The following PLEKHM3 variants were observed in gnomAD, a reference collection of about 807,000 sequenced individuals.
PLEKHM3 encodes the protein pleckstrin homology domain-containing family M member 3.
In PLEKHM3, 45 loss-of-function variants were observed where a neutral mutation model predicts 81.8. The observed-to-expected ratio is 0.55, with a 90% confidence interval of 0.43 to 0.71. The LOEUF (loss-of-function observed/expected upper bound fraction) is 0.71. Ranked by LOEUF, PLEKHM3 falls within the 30% of genes least tolerant of loss-of-function variation. The pLI, the probability that PLEKHM3 is intolerant of heterozygous loss-of-function variation, is 0.00. For missense variants in PLEKHM3, 788 were observed against 924.3 expected (o/e 0.85, Z 1.91); for synonymous variants, 352 against 356.4 (o/e 0.99, Z 0.14).
chr2:207,961,741 T>G (rs1372115918), intron 3 of PLEKHM3, among the ~76,000 whole-genome samples: 1 of 152,152 alleles, frequency 6.6e-6, no homozygotes, highest in East Asian at 1.9e-4. Context: ...AGTCCAGAGC[T>G]GGTCAGTTTC....
intron 2 of PLEKHM3, among the ~76,000 whole-genome samples, chr2:207,983,293 C>T (rs941247353): frequency 1.3e-5 from 2 of 150,498 alleles, no homozygotes; most frequent in Admixed American, 6.6e-5. Context: ...CCTTGTGATC[C>T]GCCCGCCTCG....
Position 207,845,724 on chromosome 2 carries a change from T to C in PLEKHM3, c.2108+15381A>G, listed in dbSNP as rs2092378445. ...TATGTTAATAACTACAGATTATAGT[T>C]GAAATTACAGAATAAAGCAAACTCT... On this transcript the variant is annotated intron_variant, in intron 7 of 7. Transcript: ENST00000427836. Among the ~76,000 whole-genome samples the C allele has an allele frequency of 3.3e-5, 5 of 152,354 alleles. No homozygotes were observed. In the South Asian group the frequency reaches 1.0e-3, roughly 32 times the overall value.
rs1397438535 is a variant in PLEKHM3, at chr2:207,977,391, C to A, written c.806G>T (p.Gly269Val). The change falls in exon 3 of 8, where the codon GGC becomes GTC. Residue 269 changes from glycine to valine, a missense_variant. Physicochemically the swap from Gly to Val is moderately radical, Grantham distance 109. Transcript: ENST00000427836. ...LSHFQSISVL[G>V]NLEARMVDTV... ...ATCCACCATCCTGGCCTCCAGGTTG[C>A]CTAAAACAGATATGCTCTGGAAGTG... The A allele has an allele frequency of 6.2e-7, 1 of 1,614,124 alleles. No individual in the cohort carries two copies. The highest frequency in any genetic ancestry group is 1.1e-5 in the South Asian group (1 of 91,082).
At chr2:207,937,565 G>A (rs1229551742) in intron 4 of PLEKHM3, among the ~76,000 whole-genome samples, 2 of 144,310 alleles carry the variant, frequency 1.4e-5, no homozygotes, top group African/African-American at 5.1e-5. Flanking sequence ...GCACGACACT[G>A]TCTCTAAAAA....
chr2:207,949,357 G>C (rs1470238393), intron 3 of PLEKHM3, among the ~76,000 whole-genome samples: 5 of 152,186 alleles, frequency 3.3e-5, no homozygotes, highest in Non-Finnish European at 7.3e-5. Context: ...AGACCAGCCT[G>C]AGCAACATGG....
At chr2:207,907,968 T>A (rs1559231162) in intron 6 of PLEKHM3, among the ~76,000 whole-genome samples, 1 of 152,266 alleles carries the variant, frequency 6.6e-6, no homozygotes, top group East Asian at 1.9e-4. Context: ...TGGCTTCTTT[T>A]ACTTAGCATA....
chr2:207,901,690 T>A (rs958711205), intron 6 of PLEKHM3, among the ~76,000 whole-genome samples: 2 of 152,152 alleles, frequency 1.3e-5, no homozygotes, highest in African/African-American at 4.8e-5. Flanking sequence ...CCCTTCCTCC[T>A]CCCCAGCAAG....
chr2:208,003,775 T>G (rs1692395723), intron 1 of PLEKHM3, among the ~76,000 whole-genome samples: 1 of 151,966 alleles, frequency 6.6e-6, no homozygotes, highest in Admixed American at 6.5e-5. Context: ...ATTTTGAAAC[T>G]TGGGATATTT....
At position 207,895,975 on chromosome 2, in the gene PLEKHM3, G is replaced by A. The variant is rs143270954; in HGVS notation, c.1950+12539C>T. Among the ~76,000 whole-genome samples the A allele has an allele frequency of 3.7e-3, 559 of 152,304 alleles. 2 individuals are homozygous for A. Among genetic ancestry groups the A allele is most frequent in the Non-Finnish European group, 6.8e-3 (461 of 68,016 alleles). The stretch of plus-strand genomic sequence containing the variant: ...TTGGCAAATGGAAATCCAGCCATTT[G>A]TCAGTTAGAACTGAAGGTGCTGAGC... On this transcript the variant is annotated intron_variant, in intron 6 of 7. Coordinates refer to ENST00000427836, the MANE Select transcript of PLEKHM3 (RefSeq NM_001080475.3).
At chr2:207,993,740 G>C (rs1416011859) in intron 2 of PLEKHM3, among the ~76,000 whole-genome samples, 1 of 152,096 alleles carries the variant, frequency 6.6e-6, no homozygotes, top group Non-Finnish European at 1.5e-5. Flanking sequence ...TTGCCAAGCA[G>C]ATGAAAATGT....
rs1053008896 is a variant in PLEKHM3, at chr2:207,825,701, A to C, written c.*2618T>G. On this transcript the variant is annotated 3_prime_UTR_variant, in exon 8 of 8. Coordinates refer to ENST00000427836, the MANE Select transcript of PLEKHM3 (RefSeq NM_001080475.3). ...TGGTGGTGGTGGCAGAGAATGTCAT[A>C]GGCCTGTGGCTGGCACCGACCAAGC... The C allele has an allele frequency of 6.6e-6, 1 of 152,224 alleles. No individual in the cohort carries two copies. The highest frequency in any genetic ancestry group is 2.4e-5 in the African/African-American group (1 of 41,448). 9.4% of individuals were successfully genotyped at this position (152,224 alleles called of 1,614,324 possible).
chr2:207,940,552 C>T (rs747449793), intron 4 of PLEKHM3, among the ~76,000 whole-genome samples: 1 of 152,168 alleles, frequency 6.6e-6, no homozygotes, highest in Non-Finnish European at 1.5e-5. Context: ...AGTCTGGGCT[C>T]GTTTTACAGA....
chr2:207,833,584 T>A (rs1223480774), intron 7 of PLEKHM3, among the ~76,000 whole-genome samples: 1 of 152,148 alleles, frequency 6.6e-6, no homozygotes, highest in Non-Finnish European at 1.5e-5. Flanking sequence ...TGAGTTATAA[T>A]CCTTTGATGT....
intron 4 of PLEKHM3, among the ~76,000 whole-genome samples, chr2:207,943,778 G>C (rs1690024597): frequency 6.9e-6 from 1 of 145,048 alleles, no homozygotes; most frequent in South Asian, 2.2e-4. Flanking sequence ...TGAGGCAGGA[G>C]AATGGCGTGA....
intron 5 of PLEKHM3, among the ~76,000 whole-genome samples, chr2:207,917,777 C>G (rs950160070): frequency 6.6e-6 from 1 of 151,934 alleles, no homozygotes; most frequent in Non-Finnish European, 1.5e-5. Flanking sequence ...CTTGGGAGGT[C>G]GAGGCTGCAG....
Position 207,865,801 on chromosome 2 carries a change from A to AAAAAAT in PLEKHM3, c.1951-4540_1951-4539insATTTTT. Among the ~76,000 whole-genome samples, 220 of 25,258 alleles carry AAAAAAT rather than the reference A, an allele frequency of 8.7e-3. 43 individuals are homozygous for AAAAAAT. The highest frequency in any genetic ancestry group is 0.028 in the East Asian group (25 of 902). 16.6% of individuals were successfully genotyped at this position (25,258 alleles called of 152,430 possible). On this transcript the variant is annotated intron_variant, in intron 6 of 7. Coordinates refer to ENST00000427836, the MANE Select transcript of PLEKHM3 (RefSeq NM_001080475.3). ...CGACTCAAAAAAAAAAAAAAAAAAA[A>AAAAAAT]AGATATATATATATATATATATATA...
At chr2:207,941,797 C>A (rs183035097) in intron 4 of PLEKHM3, among the ~76,000 whole-genome samples, 5 of 152,094 alleles carry the variant, frequency 3.3e-5, no homozygotes, top group Non-Finnish European at 7.4e-5. Flanking sequence ...TATTTTAAAA[C>A]GAGCAAAAGA....
intron 3 of PLEKHM3, among the ~76,000 whole-genome samples, chr2:207,968,576 A>G (rs934672140): frequency 2.0e-5 from 3 of 152,144 alleles, no homozygotes; most frequent in Non-Finnish European, 2.9e-5. Flanking sequence ...GGGTGTTTCT[A>G]TAAGTATTTG....
At chr2:207,831,612 G>A (rs1018799816) in intron 7 of PLEKHM3, among the ~76,000 whole-genome samples, 2 of 152,214 alleles carry the variant, frequency 1.3e-5, no homozygotes, top group Non-Finnish European at 2.9e-5. Flanking sequence ...ATACTTTTAA[G>A]TGGAAGGACT....
Sources: gnomAD v4.1 joint callset for allele counts (sites outside exome capture counted in the v4.1 genomes callset) on GRCh38, gnomAD v4.1.1 for gene constraint, MANE v1.5 for transcripts, NCBI Gene and HGNC (gene_info 2026-07-23, HGNC 2026-07-21) for gene names.